The following PTPRA variants were observed in gnomAD, a reference collection of about 807,000 sequenced individuals.
The protein encoded by PTPRA is receptor-type tyrosine-protein phosphatase alpha.
PTPRA carries 25 observed loss-of-function variants against 104.8 expected under a neutral mutation model. The ratio of observed to expected loss-of-function variants is 0.24; its 90% CI spans 0.17 to 0.33. PTPRA has a LOEUF of 0.33. Among genes scored for constraint, PTPRA ranks in the 10% least tolerant of loss-of-function variants. The pLI is 1.00. For synonymous variants in PTPRA, 323 were observed against 368.9 expected, an observed-to-expected ratio of 0.88 and a Z score of 1.43; for missense variants, 765 against 1,015.3, an observed-to-expected ratio of 0.75 and a Z score of 3.35.
chr20:2,999,638 G>T (rs1273177848), intron 9 of PTPRA, among the ~76,000 whole-genome samples: 3 of 152,110 alleles, frequency 2.0e-5, no homozygotes, highest in Non-Finnish European at 4.4e-5. Flanking sequence ...TAGTGCCTGG[G>T]ACCATTGGTA....
intron 2 of PTPRA, among the ~76,000 whole-genome samples, chr20:2,946,849 G>GA (rs1021630128): frequency 3.1e-4 from 45 of 145,326 alleles, no homozygotes; most frequent in Non-Finnish European, 4.4e-4. Flanking sequence ...CTCCTTCTCA[G>GA]AAAAAAAAAA....
chr20:2,979,887 T>G (rs891179125), intron 6 of PTPRA, among the ~76,000 whole-genome samples: 1 of 151,334 alleles, frequency 6.6e-6, no homozygotes, highest in Non-Finnish European at 1.5e-5. Context: ...CTAATCATGT[T>G]GGTGTTTTTT....
chr20:2,906,685 A>C (rs1218925231), intron 1 of PTPRA, among the ~76,000 whole-genome samples: 1 of 152,160 alleles, frequency 6.6e-6, no homozygotes, highest in African/African-American at 2.4e-5. Flanking sequence ...AATTGATTGC[A>C]AGTATTTATC....
intron 1 of PTPRA, among the ~76,000 whole-genome samples, chr20:2,874,107 G>A (rs1227201123): frequency 2.0e-5 from 3 of 152,144 alleles, no homozygotes; most frequent in Admixed American, 2.0e-4. Context: ...CCATTTAATG[G>A]GAGGAAAGAG....
rs564370678 is a variant in PTPRA at position 2,901,115 on chromosome 20, C to T, written c.-128-22092C>T. Among the ~76,000 whole-genome samples the T allele has an allele frequency of 9.2e-5, 14 of 151,966 alleles. No homozygotes were observed. In the South Asian group the frequency reaches 1.9e-3, roughly 20 times the overall value. On this transcript the variant is annotated intron_variant, in intron 1 of 23. Transcript: ENST00000399903. ...CCTCCAGAGTAGCTGGGATTACAGG[C>T]GCGCGACACCACACCTCGCTAATTT... is the stretch of plus-strand genomic sequence containing the variant.
At chr20:3,009,454 G>T (rs1229015831) in intron 11 of PTPRA, among the ~76,000 whole-genome samples, 2 of 152,174 alleles carry the variant, frequency 1.3e-5, no homozygotes, top group Admixed American at 1.3e-4. Context: ...TCCTAAGGTG[G>T]TAGGATTGAG....
At chr20:3,009,388 C>T (rs1167811564) in intron 11 of PTPRA, among the ~76,000 whole-genome samples, 1 of 151,920 alleles carries the variant, frequency 6.6e-6, no homozygotes, top group Non-Finnish European at 1.5e-5. Flanking sequence ...CAGCCAAGGG[C>T]TTCAGTTTCA....
rs200735006 is a variant in PTPRA at position 3,021,286 on chromosome 20, A to G, written c.1042-23A>G. 2.1e-4 allele frequency: 342 copies of G among 1,613,326 alleles called. 1 individual carries two copies. The African/African-American group carries it at 3.3e-3, about 16-fold the overall frequency. ...ATGGGCAGGAGGTCTAAGGTCAGGG[A>G]ATGTATGTCTTTTTCTTTCCAGTGC... On this transcript the variant is annotated intron_variant, in intron 13 of 23. Transcript: ENST00000399903.
Position 3,027,108 on chromosome 20 carries a change from ATTC to A in PTPRA, c.1709-7_1709-5del, listed in dbSNP as rs145020515. Reference sequence around the variant, plus strand: ...TGATATTGGCTAGCCATAAGCCGCTATTCTTCTTACAGATGAATTCAACAGAGT... The same window carrying A: ...TGATATTGGCTAGCCATAAGCCGCTATTCTTACAGATGAATTCAACAGAGT... On this transcript the variant is annotated splice_polypyrimidine_tract_variant and intron_variant, in intron 18 of 23. Coordinates refer to ENST00000399903, the MANE Select transcript of PTPRA (RefSeq NM_001385305.1). The A allele has an allele frequency of 2.1e-4, 339 of 1,613,686 alleles. No individual in the cohort carries two copies. In the African/African-American group the frequency reaches 3.9e-3, roughly 19 times the overall value.
intron 2 of PTPRA, among the ~76,000 whole-genome samples, chr20:2,941,682 C>T (rs999169660): frequency 6.6e-6 from 1 of 152,168 alleles, no homozygotes; most frequent in African/African-American, 2.4e-5. Flanking sequence ...GTATACATCT[C>T]CAGCTTCCTG....
chr20:2,965,115 G>A lies in PTPRA; in HGVS notation c.328G>A (p.Asp110Asn). Residue 110 changes from aspartate (D) to asparagine (N), a missense_variant, in exon 5 of 24, where the codon GAT becomes AAT. By Grantham distance (23) the Asp-to-Asn change is conservative (BLOSUM62 1). Transcript: ENST00000399903. Reference sequence around the variant, plus strand: ...TTCACCAAATGGAACGTGGCTTCCAGATAACCAGTTCACGGATGCCAGAAC... The same window carrying A: ...TTCACCAAATGGAACGTGGCTTCCAAATAACCAGTTCACGGATGCCAGAAC... ...TISPNGTWLP[D>N]NQFTDARTEP... 9 of 1,614,160 alleles carry A rather than the reference G, an allele frequency of 5.6e-6. No homozygotes were observed. The highest frequency in any genetic ancestry group is 7.6e-6 in the Non-Finnish European group (9 of 1,180,026).
At chr20:2,914,271 T>G (rs536552151) in intron 1 of PTPRA, among the ~76,000 whole-genome samples, 115 of 152,304 alleles carry the variant, frequency 7.6e-4, no homozygotes, top group Middle Eastern at 6.8e-3. Context: ...GTACCCTGGT[T>G]CCCTTTATTG....
At chr20:2,927,934 C>T (rs55710256) in intron 2 of PTPRA, among the ~76,000 whole-genome samples, 5 of 152,000 alleles carry the variant, frequency 3.3e-5, no homozygotes, top group African/African-American at 9.6e-5. Context: ...TGCTTGAACC[C>T]GGGTGGTGGA....
intron 2 of PTPRA, among the ~76,000 whole-genome samples, chr20:2,933,742 G>A (rs1568659380): frequency 6.6e-6 from 1 of 152,058 alleles, no homozygotes; most frequent in African/African-American, 2.4e-5. Flanking sequence ...GATTACAGAT[G>A]CAGCCACCAT....
chr20:2,912,471 A>G (rs2059757726), intron 1 of PTPRA, among the ~76,000 whole-genome samples: 1 of 152,106 alleles, frequency 6.6e-6, no homozygotes, highest in Non-Finnish European at 1.5e-5. Context: ...AAAAAATACA[A>G]AAATTAGCTG....
chr20:2,868,789 C>T (rs1233609196), upstream of PTPRA, among the ~76,000 whole-genome samples: 2 of 151,944 alleles, frequency 1.3e-5, no homozygotes, highest in Non-Finnish European at 2.9e-5. Context: ...GAAAGGGAGG[C>T]TTGACCAGTG....
intron 1 of PTPRA, among the ~76,000 whole-genome samples, chr20:2,919,693 TC>T (rs2060034495): frequency 6.6e-6 from 1 of 151,664 alleles, no homozygotes; most frequent in Non-Finnish European, 1.5e-5. Context: ...TAGCTTACTC[TC>T]AGCTGGGGGA....
chr20:2,868,302 C>T, the PTPRA span, among the ~76,000 whole-genome samples: 6 of 146,410 alleles, frequency 4.1e-5, no homozygotes, highest in East Asian at 1.1e-3. Context: ...GGGAAATAGA[C>T]TCCACCTCTT....
At chr20:2,932,127 C>T (rs73581738) in intron 2 of PTPRA, among the ~76,000 whole-genome samples, 5,547 of 152,146 alleles carry the variant, frequency 0.036, 338 homozygotes, top group African/African-American at 0.12. Flanking sequence ...CAAAGAGAAC[C>T]AGGAAACAGA....
Sources: gnomAD v4.1 joint callset for allele counts (sites outside exome capture counted in the v4.1 genomes callset) on GRCh38, gnomAD v4.1.1 for gene constraint, MANE v1.5 for transcripts, NCBI Gene and HGNC (gene_info 2026-07-23, HGNC 2026-07-21) for gene names.